Variants in SLC38A11 observed in about 807,000 individuals in gnomAD.
SLC38A11 encodes solute carrier family 38 member 11, also known as putative sodium-coupled neutral amino acid transporter 11.
A neutral mutation model predicts 49.4 loss-of-function variants in SLC38A11; 51 were observed. The ratio of observed to expected loss-of-function variants is 1.03; its 90% CI spans 0.83 to 1.30. The LOEUF is 1.30. Among genes scored for constraint, SLC38A11 ranks in the 50% most tolerant of loss-of-function variants. The pLI, the probability that SLC38A11 is intolerant of heterozygous loss-of-function variation, is 0.00. For synonymous variants in SLC38A11, 203 were observed against 192.9 expected (o/e 1.05, Z -0.43); for missense variants, 574 against 556.2 (o/e 1.03, Z -0.32).
At chr2:164,933,616 G>T (rs554651615) in intron 7 of SLC38A11, among the ~76,000 whole-genome samples, 2 of 151,976 alleles carry the variant, frequency 1.3e-5, no homozygotes, top group Non-Finnish European at 2.9e-5. Context: ...TGGGTTTAAA[G>T]ATCTTTTTCA....
At position 164,898,389 on chromosome 2, in the gene SLC38A11, A is replaced by G; in HGVS notation, c.*48T>C. Reference sequence around the variant, plus strand: ...ACAGACTAAAGCAAGCGTAAATGTTATGTGTTTTAAAGTCTATGAAAACAT... The same window carrying G: ...ACAGACTAAAGCAAGCGTAAATGTTGTGTGTTTTAAAGTCTATGAAAACAT... On this transcript the variant is annotated 3_prime_UTR_variant, in exon 12 of 12. Transcript: ENST00000685975. 1.5e-6 allele frequency: 2 copies of G among 1,314,934 alleles called. No individual in the cohort carries two copies. The highest frequency in any genetic ancestry group is 2.1e-6 in the Non-Finnish European group (2 of 932,304). The allele number at this position is 1,314,934 out of a possible 1,614,324, so 81.5% of individuals were successfully genotyped here.
chr2:164,914,972 G>A lies in SLC38A11; in HGVS notation c.850+140C>T, dbSNP rs1024942310. 2.3e-5 allele frequency: 16 copies of A among 689,506 alleles called. No individual in the cohort carries two copies. The East Asian group carries it at 4.8e-4, about 21-fold the overall frequency. The allele number at this position is 689,506 out of a possible 1,614,324, so 42.7% of individuals were successfully genotyped here. On this transcript the variant is annotated intron_variant, in intron 9 of 11. Coordinates refer to ENST00000685975, the MANE Select transcript of SLC38A11 (RefSeq NM_001351537.2). Reference sequence around the variant, plus strand: ...AAAACTAGGAAACAGACAGCAGGGGGGCAGGAGGGTAGAGAGAATGGGTGG... The same window carrying A: ...AAAACTAGGAAACAGACAGCAGGGGAGCAGGAGGGTAGAGAGAATGGGTGG...
chr2:164,944,189 C>T (rs549691224), intron 5 of SLC38A11, among the ~76,000 whole-genome samples: 66 of 152,230 alleles, frequency 4.3e-4, no homozygotes, highest in Middle Eastern at 6.8e-3. Flanking sequence ...TAATTTTACT[C>T]TATTAAATTA....
At position 164,952,661 on chromosome 2, in the gene SLC38A11, T is replaced by C. The variant is rs538817832; in HGVS notation, c.229+46A>G. ...GTGTGTGTGTGTATGTGTGTAGTTA[T>C]TGCACAGTTGAAGTTGCAGAAATAA... is the stretch of plus-strand genomic sequence containing the variant. On this transcript the variant is annotated intron_variant, in intron 3 of 11. Transcript: ENST00000685975. 36 of 1,206,402 alleles carry C rather than the reference T, an allele frequency of 3.0e-5. No individual in the cohort carries two copies. The South Asian group carries it at 4.2e-4, about 14-fold the overall frequency. 74.7% of individuals were successfully genotyped at this position (1,206,402 alleles called of 1,614,324 possible).
chr2:164,911,651 G>A lies in SLC38A11; in HGVS notation c.948C>T (p.Cys316=). Residue 316 remains cysteine, a synonymous_variant, in exon 10 of 12, where the codon TGC becomes TGT. Coordinates refer to ENST00000685975, the MANE Select transcript of SLC38A11 (RefSeq NM_001351537.2). ...CCGCGCTTACCTCTCTTGTCACAAA[G>A]CATTCCATAGGGTATGTCAAAATGA... ...VTVILTYPME[C]FVTREVIANV... 1 of 1,592,460 alleles carries A rather than the reference G, an allele frequency of 6.3e-7. No homozygotes were observed. The highest frequency in any genetic ancestry group is 8.6e-7 in the Non-Finnish European group (1 of 1,167,942).
intron 7 of SLC38A11, among the ~76,000 whole-genome samples, chr2:164,928,888 G>A (rs1177828737): frequency 6.6e-6 from 1 of 151,990 alleles, no homozygotes; most frequent in Non-Finnish European, 1.5e-5. Context: ...AAGTATCTTA[G>A]CTCCTCTCCA....
chr2:164,946,308 T>C (rs13009067), intron 3 of SLC38A11, among the ~76,000 whole-genome samples: 10,455 of 152,104 alleles, frequency 0.069, 396 homozygotes, highest in Admixed American at 0.1. Flanking sequence ...TGGCTCACGC[T>C]TGTAATCCCA....
chr2:164,946,036 ACCAATGCAG>A (rs1422948399), intron 3 of SLC38A11, among the ~76,000 whole-genome samples: 1 of 152,186 alleles, frequency 6.6e-6, no homozygotes, highest in African/African-American at 2.4e-5. Flanking sequence ...TCCTGATGTA[ACCAATGCAG>A]CAAATATTAT....
rs1157243409 is a variant in SLC38A11, at chr2:164,915,512, T to C, written c.689-239A>G. The C allele has an allele frequency of 2.7e-5, 12 of 437,612 alleles. No individual in the cohort carries two copies. In the South Asian group the frequency reaches 6.9e-4, roughly 25 times the overall value. The allele number at this position is 437,612 out of a possible 1,614,324, so 27.1% of individuals were successfully genotyped here. Reference sequence around the variant, plus strand: ...GATATAAACCAGGCCAGTCCAACATTCTCTCTCATTTTCCTTTTCCTAATG... The same window carrying C: ...GATATAAACCAGGCCAGTCCAACATCCTCTCTCATTTTCCTTTTCCTAATG... On this transcript the variant is annotated intron_variant, in intron 8 of 11. Coordinates refer to ENST00000685975, the MANE Select transcript of SLC38A11 (RefSeq NM_001351537.2).
chr2:164,948,924 G>T (rs1456306858), intron 3 of SLC38A11, among the ~76,000 whole-genome samples: 1 of 146,356 alleles, frequency 6.8e-6, no homozygotes, highest in African/African-American at 2.5e-5. Context: ...CTCAGAGGAA[G>T]TATCTCCTCC....
chr2:164,942,669 T>C (rs1262612966), intron 5 of SLC38A11, among the ~76,000 whole-genome samples: 1 of 152,206 alleles, frequency 6.6e-6, no homozygotes, highest in Non-Finnish European at 1.5e-5. Flanking sequence ...CTGACCACTT[T>C]CCTTAGCATT....
At chr2:164,898,851 T>C (rs1317242586) in intron 11 of SLC38A11, 121 bp from the exon 12 acceptor site, 1 of 895,316 alleles carries the variant, frequency 1.1e-6, no homozygotes, top group South Asian at 2.0e-5. Context: ...ATAGGTTCAG[T>C]TGAATCAAAC....
rs774136079 is a variant in SLC38A11, at chr2:164,945,733, G to C, written c.230-6C>G. 4 of 1,599,758 alleles carry C rather than the reference G, an allele frequency of 2.5e-6. No homozygotes were observed. Among genetic ancestry groups the C allele is most frequent in the Non-Finnish European group, 1.7e-6 (2 of 1,176,706 alleles). ...CAATAAAACAAGGGAAAAGTCTGTG[G>C]CAAGAACATCAATTAAATGTCAGAT... is the stretch of plus-strand genomic sequence containing the variant. On this transcript the variant is annotated splice_region_variant and splice_polypyrimidine_tract_variant and intron_variant, in intron 3 of 11. Transcript: ENST00000685975.
intron 10 of SLC38A11, among the ~76,000 whole-genome samples, 160 bp from the exon 11 acceptor site, chr2:164,908,931 CT>C (rs1205863566): frequency 6.6e-6 from 1 of 152,122 alleles, no homozygotes; most frequent in Non-Finnish European, 1.5e-5. Context: ...TTCCAAATTA[CT>C]TACATACAGA....
chr2:164,947,283 C>T (rs1688197484), intron 3 of SLC38A11, among the ~76,000 whole-genome samples: 1 of 151,794 alleles, frequency 6.6e-6, no homozygotes. Context: ...AGGTGCCCAC[C>T]ACCATGCCTG....
chr2:164,911,162 GT>G lies in SLC38A11; in HGVS notation c.963+473del, dbSNP rs537691666. Among the ~76,000 whole-genome samples, 250 of 152,002 alleles carry G rather than the reference GT, an allele frequency of 1.6e-3. 3 individuals are homozygous for G. Among genetic ancestry groups the G allele is most frequent in the African/African-American group, 5.6e-3 (234 of 41,508 alleles). On this transcript the variant is annotated intron_variant, in intron 10 of 11. Transcript: ENST00000685975. ...TCTCCATGGAATATAAGATATTTTAGTTTTTAAAAAATAACAAAACCAGTTA... is the reference window on the plus strand; with the variant it reads ...TCTCCATGGAATATAAGATATTTTAGTTTTAAAAAATAACAAAACCAGTTA...
chr2:164,937,144 C>A (rs1687426308), intron 7 of SLC38A11, among the ~76,000 whole-genome samples: 1 of 152,036 alleles, frequency 6.6e-6, no homozygotes, highest in Non-Finnish European at 1.5e-5. Flanking sequence ...AATAAGTAAA[C>A]CTGGTTTAAT....
chr2:164,930,694 A>G (rs1234316442), intron 7 of SLC38A11, among the ~76,000 whole-genome samples: 1 of 152,182 alleles, frequency 6.6e-6, no homozygotes, highest in African/African-American at 2.4e-5. Context: ...GGCTTTTGAT[A>G]AAATTCAACA....
Position 164,898,370 on chromosome 2 carries a change from T to G in SLC38A11, c.*67A>C. 8.3e-7 allele frequency: 1 copy of G among 1,198,684 alleles called. No individual in the cohort carries two copies. The highest frequency in any genetic ancestry group is 1.2e-6 in the Non-Finnish European group (1 of 846,374). 74.3% of individuals were successfully genotyped at this position (1,198,684 alleles called of 1,614,324 possible). On this transcript the variant is annotated 3_prime_UTR_variant, in exon 12 of 12. Transcript: ENST00000685975. ...AATTTTATATAACATAAATACAGAC[T>G]AAAGCAAGCGTAAATGTTATGTGTT...
Sources: allele counts gnomAD v4.1 joint callset (sites outside exome capture counted in the v4.1 genomes callset), GRCh38; gene constraint gnomAD v4.1.1; transcripts MANE v1.5; gene names NCBI Gene and HGNC (gene_info 2026-07-23, HGNC 2026-07-21).